The following ADA variants were observed in gnomAD, a reference collection of about 807,000 sequenced individuals.
ADA encodes adenosine aminohydrolase.
ADA carries 45 observed loss-of-function variants against 49.0 expected under a neutral mutation model. The observed-to-expected ratio is 0.92, with a 90% confidence interval of 0.72 to 1.18. ADA has a LOEUF of 1.18. ADA is among the 50% of genes most tolerant of loss of function. The probability of loss-of-function intolerance (pLI) is 0.00; values close to 1 mark genes in which losing one functional copy is unlikely to be tolerated. For missense variants in ADA, 445 were observed against 472.5 expected, an observed-to-expected ratio of 0.94 and a Z score of 0.54; for synonymous variants, 173 against 184.2, an observed-to-expected ratio of 0.94 and a Z score of 0.49.
chr20:44,639,304 G>C (rs972175028), intron 1 of ADA, among the ~76,000 whole-genome samples: 2 of 152,130 alleles, frequency 1.3e-5, no homozygotes, highest in Admixed American at 6.5e-5. Context: ...GTTTGAGACA[G>C]AGAACTCTGG....
chr20:44,636,108 T>A, intron 2 of ADA, 119 bp downstream of exon 2: 1 of 993,950 alleles, frequency 1.0e-6, no homozygotes, highest in Non-Finnish European at 1.6e-6. Context: ...TGGAGCTGGC[T>A]TGATTCCCAC....
At chr20:44,642,460 C>T (rs1000521374) in intron 1 of ADA, among the ~76,000 whole-genome samples, 2 of 152,108 alleles carry the variant, frequency 1.3e-5, no homozygotes, top group Non-Finnish European at 2.9e-5. Context: ...AGGGGGAGTT[C>T]GCCAGGGAGA....
chr20:44,630,323 G>T (rs1387289126), intron 2 of ADA, among the ~76,000 whole-genome samples: 1 of 148,298 alleles, frequency 6.7e-6, no homozygotes, highest in East Asian at 2.0e-4. Context: ...CCAGCCTGGT[G>T]ACAGAGCAAG....
In ADA at chr20:44,632,692, CTTTTG is replaced by C. The variant is rs933422759; in HGVS notation, c.96-3528_96-3524del. Among the ~76,000 whole-genome samples, 5 of 152,234 alleles carry C rather than the reference CTTTTG, an allele frequency of 3.3e-5. No individual in the cohort carries two copies. The South Asian group carries it at 8.3e-4, about 25-fold the overall frequency. On this transcript the variant is annotated intron_variant, in intron 2 of 11. Coordinates refer to ENST00000372874, the MANE Select transcript of ADA (RefSeq NM_000022.4). ...CTCATAGGGCCACCCTCTGTTTTTTCTTTTGTTTTGTTTTTTTGAGACGGAGTCTT... is the reference window on the plus strand; with the variant it reads ...CTCATAGGGCCACCCTCTGTTTTTTCTTTTGTTTTTTTGAGACGGAGTCTT...
intron 9 of ADA, 130 bp from the exon 10 acceptor site, chr20:44,621,277 G>A (rs2065329433): frequency 3.3e-6 from 4 of 1,208,426 alleles, no homozygotes; most frequent in African/African-American, 1.5e-5. Context: ...TGATCCTTGT[G>A]CAGAGGGGGA....
chr20:44,639,616 T>C (rs2065513390), intron 1 of ADA, among the ~76,000 whole-genome samples: 1 of 152,132 alleles, frequency 6.6e-6, no homozygotes, highest in South Asian at 2.1e-4. Flanking sequence ...TTTCACCATA[T>C]TGGCCAGGCT....
chr20:44,620,227 C>T (rs1454774037), intron 11 of ADA, 72 bp downstream of exon 11: 1 of 1,323,396 alleles, frequency 7.6e-7, no homozygotes, highest in East Asian at 2.3e-5. Context: ...GGGCATCTTG[C>T]TAGAAGTCCC....
At chr20:44,638,321 A>G (rs1288242161) in intron 1 of ADA, among the ~76,000 whole-genome samples, 1 of 152,210 alleles carries the variant, frequency 6.6e-6, no homozygotes, top group Non-Finnish European at 1.5e-5. Flanking sequence ...CACGCCTGTA[A>G]TCCAGCCACT....
At chr20:44,637,755 C>G (rs1233359707) in intron 1 of ADA, among the ~76,000 whole-genome samples, 1 of 152,150 alleles carries the variant, frequency 6.6e-6, no homozygotes. Flanking sequence ...ATCAGCAGGA[C>G]CTCAGAGTCA....
intron 2 of ADA, among the ~76,000 whole-genome samples, chr20:44,634,624 C>A (rs1465267667): frequency 6.6e-6 from 1 of 152,238 alleles, no homozygotes; most frequent in African/African-American, 2.4e-5. Context: ...GTGTTTGGCA[C>A]ACAGGAGGTG....
chr20:44,634,002 C>T (rs1038559486), intron 2 of ADA, among the ~76,000 whole-genome samples: 1 of 152,238 alleles, frequency 6.6e-6, no homozygotes, highest in South Asian at 2.1e-4. Flanking sequence ...GACTTCAGGC[C>T]AAGCTCCAGC....
intron 1 of ADA, among the ~76,000 whole-genome samples, chr20:44,646,072 C>T (rs536427815): frequency 2.0e-5 from 3 of 152,290 alleles, no homozygotes; most frequent in South Asian, 4.1e-4. Context: ...TACCTTGCCC[C>T]GCCCCAGGGG....
At chr20:44,640,680 A>G (rs1014652230) in intron 1 of ADA, among the ~76,000 whole-genome samples, 2 of 151,940 alleles carry the variant, frequency 1.3e-5, no homozygotes, top group Non-Finnish European at 2.9e-5. Context: ...AAAAAAAAAA[A>G]AATTACCTTA....
chr20:44,629,384 G>A (rs1466543486), intron 2 of ADA, among the ~76,000 whole-genome samples: 1 of 152,188 alleles, frequency 6.6e-6, no homozygotes, highest in African/African-American at 2.4e-5. Flanking sequence ...CAATGCACAA[G>A]TCAGCAAATC....
At position 44,651,638 on chromosome 20, in the gene ADA, T is replaced by C. The variant is rs754325970; in HGVS notation, c.-31A>G. On this transcript the variant is annotated 5_prime_UTR_variant, in exon 1 of 12. Coordinates refer to ENST00000372874, the MANE Select transcript of ADA (RefSeq NM_000022.4). ...CCTCGTGCGCCCCGGCGCTGCTCCC[T>C]CCGCCGCCGCTCGGTGGGTCTCTGC... 44 of 1,502,296 alleles carry C rather than the reference T, an allele frequency of 2.9e-5. No homozygotes were observed. The highest frequency in any genetic ancestry group is 1.7e-4 in the South Asian group (14 of 81,148). The allele number at this position is 1,502,296 out of a possible 1,614,324, so 93.1% of individuals were successfully genotyped here. A position where few individuals can be genotyped will look rare whatever the true frequency, so the allele number is the denominator to read the frequency against.
At chr20:44,643,697 T>G (rs2299691) in intron 1 of ADA, among the ~76,000 whole-genome samples, 74,686 of 151,970 alleles carry the variant, frequency 0.49, 19,402 homozygotes, top group East Asian at 0.72. Context: ...CCTCCTGACC[T>G]CTCCAGAGGG....
At chr20:44,635,726 C>T (rs1274167159) in intron 2 of ADA, among the ~76,000 whole-genome samples, 1 of 152,092 alleles carries the variant, frequency 6.6e-6, no homozygotes, top group African/African-American at 2.4e-5. Flanking sequence ...TGTGAAACCC[C>T]ATCTCCGCTA....
chr20:44,647,880 G>C (rs1213520970), intron 1 of ADA, among the ~76,000 whole-genome samples: 1 of 152,038 alleles, frequency 6.6e-6, no homozygotes, highest in African/African-American at 2.4e-5. Context: ...TCACACCACT[G>C]CACTCCAGCC....
At chr20:44,634,087 G>A (rs574383421) in intron 2 of ADA, among the ~76,000 whole-genome samples, 3 of 152,330 alleles carry the variant, frequency 2.0e-5, no homozygotes, top group Non-Finnish European at 4.4e-5. Context: ...TGCCCCTCCC[G>A]GCGGCTCCTT....
Sources: gnomAD v4.1 joint callset for allele counts (sites outside exome capture counted in the v4.1 genomes callset) on GRCh38, gnomAD v4.1.1 for gene constraint, MANE v1.5 for transcripts, NCBI Gene and HGNC (gene_info 2026-07-23, HGNC 2026-07-21) for gene names.